GRM8: variants seen among roughly 807,000 people sequenced by gnomAD.
GRM8 encodes the protein glutamate metabotropic receptor 8.
Under a neutral mutation model 87.2 loss-of-function variants are expected in GRM8, and 47 were observed. The observed-to-expected ratio is 0.54, with a 90% CI of 0.43 to 0.69. GRM8 has a LOEUF of 0.69. GRM8 is among the 30% of genes least tolerant of loss of function. GRM8 has a pLI of 0.00. For missense variants in GRM8, 1,019 were observed against 1,139.2 expected (o/e 0.89, Z 1.52); for synonymous variants, 396 against 404.5 (o/e 0.98, Z 0.25).
At chr7:127,020,313 T>G (rs1345180393) in intron 3 of GRM8, among the ~76,000 whole-genome samples, 1 of 151,990 alleles carries the variant, frequency 6.6e-6, no homozygotes, top group Non-Finnish European at 1.5e-5. Context: ...CAGAGAGAGG[T>G]TGCACTTGGG....
intron 7 of GRM8, among the ~76,000 whole-genome samples, chr7:126,713,623 A>G: frequency 6.6e-6 from 1 of 152,072 alleles, no homozygotes; most frequent in East Asian, 1.9e-4. Context: ...AAAAAAAAAA[A>G]AAAGGTATGC....
chr7:126,992,222 T>C (rs1732726674), intron 3 of GRM8, among the ~76,000 whole-genome samples: 1 of 152,188 alleles, frequency 6.6e-6, no homozygotes, highest in African/African-American at 2.4e-5. Flanking sequence ...GAGGCAAGAA[T>C]GTCTACTCTC....
At chr7:126,637,470 T>TA (rs977012736) in intron 7 of GRM8, among the ~76,000 whole-genome samples, 184 of 151,852 alleles carry the variant, frequency 1.2e-3, no homozygotes, top group African/African-American at 4.0e-3. Flanking sequence ...TACTGTAATT[T>TA]AAAAAAAAGA....
intron 8 of GRM8, among the ~76,000 whole-genome samples, chr7:126,567,066 TG>T (rs1229835875): frequency 6.6e-6 from 1 of 152,124 alleles, no homozygotes; most frequent in Non-Finnish European, 1.5e-5. Flanking sequence ...GAGAGTGGGA[TG>T]GATGTTGCCA....
At chr7:126,963,431 G>A (rs892749757) in intron 3 of GRM8, among the ~76,000 whole-genome samples, 2 of 152,146 alleles carry the variant, frequency 1.3e-5, no homozygotes, top group South Asian at 2.1e-4. Context: ...AAACCCCTTC[G>A]TCTCAGCTCG....
At chr7:126,917,398 CAT>C (rs397836106) in intron 3 of GRM8, among the ~76,000 whole-genome samples, 460 of 151,942 alleles carry the variant, frequency 3.0e-3, no homozygotes, top group East Asian at 0.014. Flanking sequence ...CACACACACA[CAT>C]GGACACGCAC....
At chr7:126,742,734 T>A (rs986109600) in intron 7 of GRM8, among the ~76,000 whole-genome samples, 2 of 152,126 alleles carry the variant, frequency 1.3e-5, no homozygotes, top group African/African-American at 4.8e-5. Context: ...TCAGTCAGAA[T>A]ACATTATTCC....
chr7:126,477,514 A>G lies in GRM8; in HGVS notation c.2431-31142T>C, dbSNP rs146059525. ...GATATCTTCAATATATATACTTTTTATTTGTCAATTATGTCTCAATAAAGA... is the reference window on the plus strand; with the variant it reads ...GATATCTTCAATATATATACTTTTTGTTTGTCAATTATGTCTCAATAAAGA... On this transcript the variant is annotated intron_variant, in intron 9 of 10. Transcript: ENST00000339582. 1.8e-3 allele frequency among the ~76,000 whole-genome samples: 274 copies of G among 151,536 alleles called. 2 individuals carry two copies. Among genetic ancestry groups the G allele is most frequent in the African/African-American group, 6.4e-3 (265 of 41,282 alleles).
intron 6 of GRM8, chr7:126,869,468 T>C (rs549564668): frequency 1.2e-4 from 19 of 152,346 alleles, no homozygotes; most frequent in African/African-American, 4.3e-4. Context: ...TCACTATGTA[T>C]GGGAGCTATA....
At chr7:126,569,946 A>G (rs964867438) in intron 8 of GRM8, among the ~76,000 whole-genome samples, 5 of 152,168 alleles carry the variant, frequency 3.3e-5, no homozygotes, top group Admixed American at 3.3e-4. Context: ...GGCTTGAAGA[A>G]CAACTTATCC....
chr7:127,020,360 T>C (rs1383728057), intron 3 of GRM8, among the ~76,000 whole-genome samples: 1 of 152,056 alleles, frequency 6.6e-6, no homozygotes, highest in Non-Finnish European at 1.5e-5. Flanking sequence ...TGCTCTCATC[T>C]TTCTGTGATC....
At chr7:126,654,112 AC>A (rs1244318665) in intron 7 of GRM8, among the ~76,000 whole-genome samples, 1 of 152,100 alleles carries the variant, frequency 6.6e-6, no homozygotes. Context: ...AAATAACTAG[AC>A]CCCTAAGCAG....
At chr7:127,201,617 G>A (rs1356665556) in intron 2 of GRM8, among the ~76,000 whole-genome samples, 1 of 152,164 alleles carries the variant, frequency 6.6e-6, no homozygotes, top group Non-Finnish European at 1.5e-5. Context: ...TATCCTTCAT[G>A]TTGCAATAAA....
At chr7:126,532,049 A>T (rs936700075) in intron 9 of GRM8, among the ~76,000 whole-genome samples, 7 of 152,190 alleles carry the variant, frequency 4.6e-5, no homozygotes, top group Admixed American at 1.3e-4. Flanking sequence ...AAGCTGGTTT[A>T]TCTCCATCCC....
intron 3 of GRM8, among the ~76,000 whole-genome samples, chr7:126,955,325 C>A (rs1189477282): frequency 2.0e-5 from 3 of 152,142 alleles, no homozygotes; most frequent in African/African-American, 7.2e-5. Context: ...CAGCTAAGAA[C>A]CCATCAACAC....
At chr7:127,029,919 C>T (rs2132292333) in intron 3 of GRM8, among the ~76,000 whole-genome samples, 1 of 152,160 alleles carries the variant, frequency 6.6e-6, no homozygotes, top group Middle Eastern at 3.4e-3. Context: ...TGTCCTCTGT[C>T]CCCCAACCTC....
intron 3 of GRM8, among the ~76,000 whole-genome samples, chr7:127,047,905 C>T (rs1819099178): frequency 6.6e-6 from 1 of 152,180 alleles, no homozygotes; most frequent in Admixed American, 6.5e-5. Flanking sequence ...AACTGTCCAA[C>T]ATTTTTTTCA....
chr7:126,561,369 G>A (rs11982636), intron 8 of GRM8, among the ~76,000 whole-genome samples: 46,710 of 151,720 alleles, frequency 0.31, 8,056 homozygotes, highest in East Asian at 0.43. Flanking sequence ...TACTTAGGAG[G>A]CTGAGGCAGA....
At chr7:126,973,384 AG>A (rs1014126917) in intron 3 of GRM8, among the ~76,000 whole-genome samples, 29 of 152,226 alleles carry the variant, frequency 1.9e-4, no homozygotes, top group African/African-American at 5.5e-4. Context: ...GTCCTTGGAC[AG>A]GTTACTTCAT....
Sources: gnomAD v4.1 joint callset for allele counts (sites outside exome capture counted in the v4.1 genomes callset) on GRCh38, gnomAD v4.1.1 for gene constraint, MANE v1.5 for transcripts, NCBI Gene and HGNC (gene_info 2026-07-23, HGNC 2026-07-21) for gene names.